Variants in NME9 observed in about 807,000 individuals in gnomAD.
The protein encoded by NME9 is thioredoxin domain-containing protein 6.
A neutral mutation model predicts 44.4 loss-of-function variants in NME9; 48 were observed. The ratio of observed to expected loss-of-function variants is 1.08; its 90% CI spans 0.86 to 1.37. The LOEUF (loss-of-function observed/expected upper bound fraction) is 1.37. Ranked by LOEUF, NME9 falls within the 40% of genes most tolerant of loss-of-function variation. The pLI is 0.00. For missense variants in NME9, 325 were observed against 405.2 expected, an observed-to-expected ratio of 0.80 and a Z score of 1.70; for synonymous variants, 139 against 147.1, an observed-to-expected ratio of 0.94 and a Z score of 0.40.
intron 1 of NME9, among the ~76,000 whole-genome samples, chr3:138,325,979 C>A (rs2053762960): frequency 6.6e-6 from 1 of 152,078 alleles, no homozygotes; most frequent in African/African-American, 2.4e-5. Context: ...CCCATAATGT[C>A]CTGAGTATCA....
chr3:138,287,771 A>T, intron 8 of NME9: 1 of 444,242 alleles, frequency 2.3e-6, no homozygotes, highest in Non-Finnish European at 4.6e-6. Context: ...ATGAGAAGAT[A>T]AGTCTGTCTT....
At chr3:138,263,483 G>C (rs897581487) in intron 8 of NME9, 41 of 481,374 alleles carry the variant, frequency 8.5e-5, no homozygotes, top group Non-Finnish European at 1.4e-4. Context: ...TTTAATTTTT[G>C]TGTTAAATGT....
chr3:138,307,317 G>A (rs1373003386), intron 6 of NME9, among the ~76,000 whole-genome samples: 1 of 152,130 alleles, frequency 6.6e-6, no homozygotes, highest in Non-Finnish European at 1.5e-5. Flanking sequence ...GCTGTAGGGA[G>A]GTCTGTGTCT....
chr3:138,266,042 G>A (rs1418166713), intron 8 of NME9, among the ~76,000 whole-genome samples: 1 of 152,140 alleles, frequency 6.6e-6, no homozygotes, highest in Non-Finnish European at 1.5e-5. Flanking sequence ...TCACAATATG[G>A]TCTTATGAGG....
intron 2 of NME9, chr3:138,324,438 G>A: frequency 2.2e-6 from 1 of 457,370 alleles, no homozygotes. Context: ...AATAACTGAT[G>A]CCAGGAGGAT....
At chr3:138,305,840 G>A in intron 8 of NME9, 164 bp downstream of exon 8, 1 of 592,434 alleles carries the variant, frequency 1.7e-6, no homozygotes, top group Non-Finnish European at 3.0e-6. Context: ...AACTTTACCT[G>A]ATACAGCCTA....
chr3:138,279,901 G>T (rs904433203), intron 8 of NME9, among the ~76,000 whole-genome samples: 19 of 151,616 alleles, frequency 1.3e-4, no homozygotes, highest in African/African-American at 3.6e-4. Context: ...CTTTATATTG[G>T]TAATTCCTTT....
At chr3:138,282,884 AGATT>A (rs2050072802) in intron 8 of NME9, among the ~76,000 whole-genome samples, 2 of 152,194 alleles carry the variant, frequency 1.3e-5, no homozygotes, top group African/African-American at 4.8e-5. Flanking sequence ...AAAAGAGTGC[AGATT>A]ATTATTGATT....
chr3:138,267,387 CAAAT>C (rs2048375241), intron 8 of NME9: 3 of 485,268 alleles, frequency 6.2e-6, no homozygotes, highest in South Asian at 4.0e-5. Flanking sequence ...TAGGGGTGTG[CAAAT>C]AAATCATTCA....
At position 138,319,467 on chromosome 3, in the gene NME9, G is replaced by C; in HGVS notation, c.195+11C>G. The C allele has an allele frequency of 2.1e-6, 3 of 1,460,420 alleles. No homozygotes were observed. The highest frequency in any genetic ancestry group is 2.9e-6 in the Non-Finnish European group (3 of 1,040,010). 90.5% of individuals were successfully genotyped at this position (1,460,420 alleles called of 1,614,324 possible). A position where few individuals can be genotyped will look rare whatever the true frequency, so the allele number is the denominator to read the frequency against. ...AATGTTGTATGACTGTTGGCTGAGA[G>C]AGAATCTTACTAATGCAAAGTGCAG... On this transcript the variant is annotated intron_variant, in intron 3 of 10. Transcript: ENST00000333911.
chr3:138,324,338 A>G (rs1315037182), intron 2 of NME9: 7 of 406,988 alleles, frequency 1.7e-5, no homozygotes, highest in Non-Finnish European at 3.5e-5. Context: ...CAACTAAGCT[A>G]TACCTGGACT....
chr3:138,295,880 G>C (rs1223130953), intron 8 of NME9: 2 of 1,613,568 alleles, frequency 1.2e-6, no homozygotes, highest in Non-Finnish European at 1.7e-6. Context: ...CACTGCAGCA[G>C]TACCTGGCAT....
In NME9 at chr3:138,306,421, T is replaced by G; in HGVS notation, c.520A>C (p.Lys174Gln). Residue 174 changes from lysine (K) to glutamine (Q), a missense_variant, in exon 7 of 11, where the codon AAG becomes CAG. By Grantham distance (53) the Lys-to-Gln change is moderately conservative (BLOSUM62 1). Coordinates refer to ENST00000333911, the MANE Select transcript of NME9 (RefSeq NM_001349018.2). ...IIKPDAVAHG[K>Q]TDEIIMKIQE... ...ACCTTCATGATAATCTCATCAGTCT[T>G]TCCATGGGCCACTGCATCTGGTTTA... 6.2e-7 allele frequency: 1 copy of G among 1,613,358 alleles called. No homozygotes were observed. The highest frequency in any genetic ancestry group is 8.5e-7 in the Non-Finnish European group (1 of 1,179,250).
chr3:138,286,988 A>ACTGAT (rs1445607303), intron 8 of NME9, among the ~76,000 whole-genome samples: 1 of 152,030 alleles, frequency 6.6e-6, no homozygotes, highest in Non-Finnish European at 1.5e-5. Flanking sequence ...TTCTTCCAAA[A>ACTGAT]CTGATCTTGA....
chr3:138,289,105 T>G, intron 8 of NME9: 1 of 1,613,086 alleles, frequency 6.2e-7, no homozygotes, highest in Non-Finnish European at 8.5e-7. Context: ...AAACCTCATA[T>G]GGAATGAAGA....
intron 8 of NME9, among the ~76,000 whole-genome samples, chr3:138,265,940 G>C (rs1446535731): frequency 1.3e-5 from 2 of 152,216 alleles, no homozygotes; most frequent in Non-Finnish European, 2.9e-5. Flanking sequence ...AGCTACTTCA[G>C]TGGAAGGAAT....
chr3:138,280,947 T>C (rs1038480846), intron 8 of NME9, among the ~76,000 whole-genome samples: 1 of 152,122 alleles, frequency 6.6e-6, no homozygotes, highest in Non-Finnish European at 1.5e-5. Context: ...TTTCAGAGTT[T>C]AGCCAACTGT....
exon 9 of NME9, chr3:138,262,507 T>C (rs1283265960): frequency 1.9e-6 from 3 of 1,603,616 alleles, no homozygotes; most frequent in South Asian, 1.1e-5. Flanking sequence ...CACTCTCTCA[T>C]GTTCTAAGGT....
intron 8 of NME9, among the ~76,000 whole-genome samples, chr3:138,294,271 G>A (rs918656513): frequency 5.3e-5 from 8 of 152,192 alleles, no homozygotes; most frequent in Admixed American, 5.2e-4. Flanking sequence ...CAGATGAGAA[G>A]CTATTGCTAA....
Sources: gnomAD v4.1 joint callset for allele counts (sites outside exome capture counted in the v4.1 genomes callset) on GRCh38, gnomAD v4.1.1 for gene constraint, MANE v1.5 for transcripts, NCBI Gene and HGNC (gene_info 2026-07-23, HGNC 2026-07-21) for gene names.